HTR1E: variants seen among roughly 807,000 people sequenced by gnomAD.
The protein encoded by HTR1E is 5-HT-1E.
A neutral mutation model predicts 3.4 loss-of-function variants in HTR1E; 3 were observed. That is an observed-to-expected ratio of 0.89 (90% CI 0.41 to 2.31). The LOEUF is 2.31. HTR1E is among the 30% of genes most tolerant of loss of function. The pLI, the probability that HTR1E is intolerant of heterozygous loss-of-function variation, is 0.05. For synonymous variants in HTR1E, 170 were observed against 182.8 expected (o/e 0.93, Z 0.56); for missense variants, 392 against 467.0 (o/e 0.84, Z 1.48).
intron 1 of HTR1E, among the ~76,000 whole-genome samples, chr6:86,979,523 C>T (rs1218993637): frequency 6.6e-6 from 1 of 152,126 alleles, no homozygotes; most frequent in Admixed American, 6.5e-5. Context: ...AGGTGACTGC[C>T]TCTTGGATAT....
intron 1 of HTR1E, among the ~76,000 whole-genome samples, chr6:86,990,683 G>C (rs759413876): frequency 6.6e-6 from 1 of 152,124 alleles, no homozygotes; most frequent in Non-Finnish European, 1.5e-5. Flanking sequence ...AGAACTAAAG[G>C]CTACTGCCCC....
At chr6:86,957,912 GA>G (rs1258821570) in intron 1 of HTR1E, among the ~76,000 whole-genome samples, 6 of 152,194 alleles carry the variant, frequency 3.9e-5, no homozygotes, top group African/African-American at 1.2e-4. Context: ...TGTGAGCAGA[GA>G]GGGGGCCTGT....
chr6:87,016,662 C>A lies in HTR1E; in HGVS notation c.*230C>A. 2.8e-6 allele frequency: 1 copy of A among 360,942 alleles called. No homozygotes were observed. The highest frequency in any genetic ancestry group is 5.1e-6 in the Non-Finnish European group (1 of 195,504). 22.4% of individuals were successfully genotyped at this position (360,942 alleles called of 1,614,324 possible). A position where few individuals can be genotyped will look rare whatever the true frequency, so the allele number is the denominator to read the frequency against. ...TCTGTGATACATAATTTCAAATAAA[C>A]ATTATCATACAAAAACAGAAATTTT... On this transcript the variant is annotated 3_prime_UTR_variant, in exon 2 of 2. Transcript: ENST00000305344.
At chr6:87,011,515 G>T (rs1446399807) in intron 1 of HTR1E, among the ~76,000 whole-genome samples, 1 of 152,196 alleles carries the variant, frequency 6.6e-6, no homozygotes, top group Non-Finnish European at 1.5e-5. Context: ...TAATGGTTGA[G>T]ACGTTATATA....
rs141450567 is a variant in HTR1E at position 86,995,848 on chromosome 6, G to C, written c.-185-19302G>C. Among the ~76,000 whole-genome samples the C allele has an allele frequency of 2.0e-5, 3 of 151,534 alleles. No individual in the cohort carries two copies. The East Asian group carries it at 5.8e-4, about 29-fold the overall frequency. On this transcript the variant is annotated intron_variant, in intron 1 of 1. Coordinates refer to ENST00000305344, the MANE Select transcript of HTR1E (RefSeq NM_000865.3). ...GTCTATATTAATATCAGATAAAATG[G>C]ACTTCAGAGTAAAGAAAATTACCAC...
intron 1 of HTR1E, among the ~76,000 whole-genome samples, chr6:87,010,296 G>C (rs1383780875): frequency 9.2e-6 from 1 of 108,486 alleles, no homozygotes; most frequent in Non-Finnish European, 1.8e-5. Flanking sequence ...CGGACGGGGC[G>C]GCTGGCCGGG....
At chr6:86,943,883 T>C (rs1381148943) in intron 1 of HTR1E, among the ~76,000 whole-genome samples, 1 of 152,070 alleles carries the variant, frequency 6.6e-6, no homozygotes. Context: ...GTTCCATGGG[T>C]TGGGAATCTG....
chr6:87,011,906 A>T (rs573937386), intron 1 of HTR1E, among the ~76,000 whole-genome samples: 8 of 152,344 alleles, frequency 5.3e-5, no homozygotes, highest in African/African-American at 1.9e-4. Flanking sequence ...CCAATGGTCT[A>T]CATACCTTTC....
chr6:86,997,209 A>C lies in HTR1E; in HGVS notation c.-185-17941A>C, dbSNP rs187368651. ...GAATACTTCCTTAACTTGATAAAGA[A>C]CATTGACATGAAACCTAAAGTTAAC... is the stretch of plus-strand genomic sequence containing the variant. On this transcript the variant is annotated intron_variant, in intron 1 of 1. Coordinates refer to ENST00000305344, the MANE Select transcript of HTR1E (RefSeq NM_000865.3). Among the ~76,000 whole-genome samples, 27 of 152,102 alleles carry C rather than the reference A, an allele frequency of 1.8e-4. No homozygotes were observed. In the East Asian group the frequency reaches 5.0e-3, roughly 28 times the overall value.
chr6:86,973,064 T>C (rs1267762065), intron 1 of HTR1E, among the ~76,000 whole-genome samples: 2 of 152,204 alleles, frequency 1.3e-5, no homozygotes, highest in African/African-American at 4.8e-5. Context: ...GCTTAGTCTA[T>C]AATATAGAAA....
chr6:87,014,001 A>G (rs1406107508), intron 1 of HTR1E, among the ~76,000 whole-genome samples: 1 of 152,126 alleles, frequency 6.6e-6, no homozygotes, highest in Non-Finnish European at 1.5e-5. Flanking sequence ...TGAGCAAACT[A>G]TCGCAAGGAC....
chr6:86,945,643 T>C (rs183706065), intron 1 of HTR1E, among the ~76,000 whole-genome samples: 2 of 152,216 alleles, frequency 1.3e-5, no homozygotes, highest in African/African-American at 2.4e-5. Context: ...TGTATAGCTA[T>C]ACAATGTGTT....
chr6:86,990,511 T>C (rs897802748), intron 1 of HTR1E, among the ~76,000 whole-genome samples: 8 of 152,164 alleles, frequency 5.3e-5, no homozygotes, highest in African/African-American at 1.9e-4. Flanking sequence ...AGGAACTAAC[T>C]GAAAGAGTTC....
At chr6:86,964,230 G>C (rs541161535) in intron 1 of HTR1E, among the ~76,000 whole-genome samples, 1 of 152,172 alleles carries the variant, frequency 6.6e-6, no homozygotes, top group Non-Finnish European at 1.5e-5. Flanking sequence ...CGTTGGAATC[G>C]TATCTGGGGG....
chr6:86,941,052 C>G (rs1768538081), intron 1 of HTR1E, among the ~76,000 whole-genome samples: 1 of 152,246 alleles, frequency 6.6e-6, no homozygotes, highest in Admixed American at 6.5e-5. Context: ...AATGGGGCAG[C>G]AGCACTTTAG....
intron 1 of HTR1E, among the ~76,000 whole-genome samples, chr6:86,995,325 A>C (rs1056072399): frequency 2.0e-5 from 3 of 150,388 alleles, no homozygotes; most frequent in Non-Finnish European, 4.4e-5. Context: ...TAAATAAATA[A>C]AGGTCTACAT....
chr6:86,949,813 A>G (rs1436073537), intron 1 of HTR1E, among the ~76,000 whole-genome samples: 1 of 152,164 alleles, frequency 6.6e-6, no homozygotes, highest in Non-Finnish European at 1.5e-5. Context: ...TGTTTTATTT[A>G]GCACCTTTCA....
chr6:86,993,840 A>G (rs865980454), intron 1 of HTR1E, among the ~76,000 whole-genome samples: 1 of 152,200 alleles, frequency 6.6e-6, no homozygotes, highest in Non-Finnish European at 1.5e-5. Context: ...GCAGACGAAA[A>G]GGATTTTTGA....
Position 87,015,944 on chromosome 6 carries a change from C to T in HTR1E, c.610C>T (p.Arg204Trp), listed in dbSNP as rs185147794. Residue 204 changes from arginine (R) to tryptophan (W), a missense_variant, in exon 2 of 2, where the codon CGG (arginine) becomes TGG (tryptophan). Physicochemically the swap from Arg to Trp is moderately radical, Grantham distance 101. Transcript: ENST00000305344. ...GACTTTGATACTGATTCTCTATTAC[C>T]GGATTTACCACGCGGCCAAGAGCCT... ...PLTLILILYY[R>W]IYHAAKSLYQ... The T allele has an allele frequency of 1.3e-5, 21 of 1,614,036 alleles. No homozygotes were observed. Among genetic ancestry groups the T allele is most frequent in the Admixed American group, 1.2e-4 (7 of 60,002 alleles).
Sources: gnomAD v4.1 joint callset for allele counts (sites outside exome capture counted in the v4.1 genomes callset) on GRCh38, gnomAD v4.1.1 for gene constraint, MANE v1.5 for transcripts, NCBI Gene and HGNC (gene_info 2026-07-23, HGNC 2026-07-21) for gene names.